The following RIMBP2 variants were observed in gnomAD, a reference collection of about 807,000 sequenced individuals.
RIMBP2 encodes RIMS binding protein 2.
In RIMBP2, 48 loss-of-function variants were observed where a neutral mutation model predicts 118.6. That is an observed-to-expected ratio of 0.40 (90% confidence interval 0.32 to 0.51). The LOEUF is 0.51. Ranked by LOEUF, RIMBP2 falls within the 20% of genes least tolerant of loss-of-function variation. The pLI is 0.41. For synonymous variants in RIMBP2, 762 were observed against 742.9 expected, an observed-to-expected ratio of 1.03 and a Z score of -0.42; for missense variants, 1,551 against 1,768.3, an observed-to-expected ratio of 0.88 and a Z score of 2.20.
chr12:130,706,020 G>A (rs1329182173), intron 1 of RIMBP2, among the ~76,000 whole-genome samples: 1 of 152,240 alleles, frequency 6.6e-6, no homozygotes, highest in Non-Finnish European at 1.5e-5. Flanking sequence ...AAGCTTCAGA[G>A]GACCCGTTTC....
At chr12:130,509,509 G>T (rs2050690564) in intron 3 of RIMBP2, among the ~76,000 whole-genome samples, 1 of 152,192 alleles carries the variant, frequency 6.6e-6, no homozygotes, top group African/African-American at 2.4e-5. Context: ...GTGTCCTTTT[G>T]CTGTAATAAG....
chr12:130,399,728 G>A lies in RIMBP2; in HGVS notation c.3851C>T (p.Ala1284Val). The A allele has an allele frequency of 6.2e-7, 1 of 1,614,190 alleles. No homozygotes were observed. Among genetic ancestry groups the A allele is most frequent in the Non-Finnish European group, 8.5e-7 (1 of 1,180,020 alleles). ...CGTATCTTGAGAGTAGTGGGATGGAGCATCAGAAAGATAGACTTCTACGTC... is the reference window on the plus strand; with the variant it reads ...CGTATCTTGAGAGTAGTGGGATGGAACATCAGAAAGATAGACTTCTACGTC... ...PDDVEVYLSD[A>V]PSHYSQDTPM... The change falls in exon 22 of 23, where the codon GCT (alanine) becomes GTT (valine). Residue 1284 changes from alanine (A) to valine (V), a missense_variant. Ala to Val is a moderately conservative substitution (Grantham distance 64, BLOSUM62 0). Coordinates refer to ENST00000690449, the MANE Select transcript of RIMBP2 (RefSeq NM_001393629.1).
At chr12:130,428,363 G>A (rs1332141292) in intron 14 of RIMBP2, 26 bp from the exon 15 acceptor site, 4 of 1,589,620 alleles carry the variant, frequency 2.5e-6, no homozygotes. Flanking sequence ...AGGGGCTACT[G>A]AGCGGGTGGC....
chr12:130,530,599 G>C (rs888903316), intron 2 of RIMBP2, among the ~76,000 whole-genome samples: 3 of 152,226 alleles, frequency 2.0e-5, no homozygotes, highest in Non-Finnish European at 4.4e-5. Context: ...CCAGCTGCTA[G>C]TGCCTGAGGG....
chr12:130,608,311 A>G (rs1484771707), intron 2 of RIMBP2, among the ~76,000 whole-genome samples: 2 of 152,244 alleles, frequency 1.3e-5, no homozygotes, highest in African/African-American at 4.8e-5. Context: ...GGCCAACGAC[A>G]CCACCACAGG....
intron 6 of RIMBP2, chr12:130,465,530 T>C (rs1391626592): frequency 6.6e-6 from 1 of 152,190 alleles, no homozygotes; most frequent in African/African-American, 2.4e-5. Context: ...CCTGAGAGGG[T>C]GTTACCAGGC....
chr12:130,565,319 T>C (rs1452634568), intron 2 of RIMBP2, among the ~76,000 whole-genome samples: 1 of 152,116 alleles, frequency 6.6e-6, no homozygotes, highest in East Asian at 1.9e-4. Flanking sequence ...GGATGTAAAA[T>C]GGGAAACAGG....
intron 3 of RIMBP2, among the ~76,000 whole-genome samples, chr12:130,513,123 T>C (rs2051093322): frequency 6.6e-6 from 1 of 152,186 alleles, no homozygotes. Flanking sequence ...CCCTAGGTTG[T>C]AGGAAATTCT....
At position 130,424,334 on chromosome 12, in the gene RIMBP2, G is replaced by A. The variant is rs1205803559; in HGVS notation, c.2937C>T (p.Gly979=). 3.2e-6 allele frequency: 4 copies of A among 1,231,842 alleles called. No homozygotes were observed. Among genetic ancestry groups the A allele is most frequent in the Non-Finnish European group, 4.0e-6 (4 of 987,890 alleles). The allele number at this position is 1,231,842 out of a possible 1,614,324, so 76.3% of individuals were successfully genotyped here. Residue 979 remains glycine, a synonymous_variant, in exon 16 of 23, where the codon GGC becomes GGT. Transcript: ENST00000690449. The surrounding 1 kb of genome is among the most constrained non-coding windows in gnomAD (Gnocchi z 9.8). ...SVEEDFGEQV[G]PGGLLRNDDP... is the part of the protein sequence containing the mutation. Reference sequence around the variant, plus strand: ...CGTCGTTCCTGAGGAGGCCACCAGGGCCCACCTGCTCCCCAAAGTCCTCCT... The same window carrying A: ...CGTCGTTCCTGAGGAGGCCACCAGGACCCACCTGCTCCCCAAAGTCCTCCT...
At chr12:130,677,210 T>C (rs1209532385) in intron 1 of RIMBP2, among the ~76,000 whole-genome samples, 1 of 152,058 alleles carries the variant, frequency 6.6e-6, no homozygotes, top group African/African-American at 2.4e-5. Context: ...GGCAGCCCCC[T>C]ACAAATGGGC....
chr12:130,466,747 A>T (rs1189404509), intron 6 of RIMBP2, among the ~76,000 whole-genome samples: 1 of 152,224 alleles, frequency 6.6e-6, no homozygotes, highest in Admixed American at 6.5e-5. Flanking sequence ...CACCCAGGCA[A>T]TGTAAATTGA....
At chr12:130,526,105 G>C (rs1028213396) in intron 2 of RIMBP2, among the ~76,000 whole-genome samples, 1 of 152,068 alleles carries the variant, frequency 6.6e-6, no homozygotes, top group African/African-American at 2.4e-5. Flanking sequence ...GGGGTGGGGG[G>C]TTCTGGAAAG....
intron 1 of RIMBP2, among the ~76,000 whole-genome samples, chr12:130,674,417 G>A (rs1216514458): frequency 6.6e-6 from 1 of 152,160 alleles, no homozygotes; most frequent in East Asian, 1.9e-4. Flanking sequence ...CAGAGGGGAT[G>A]AGGACGTAGT....
Position 130,576,745 on chromosome 12 carries a change from G to A in RIMBP2, c.-217+51577C>T, listed in dbSNP as rs1212555645. Among the ~76,000 whole-genome samples the A allele has an allele frequency of 6.6e-6, 1 of 152,218 alleles. No homozygotes were observed. On this transcript the variant is annotated intron_variant, in intron 2 of 22. Coordinates refer to ENST00000690449, the MANE Select transcript of RIMBP2 (RefSeq NM_001393629.1). This position sits in a 1 kb window ranked among gnomAD's most constrained non-coding sequence, Gnocchi z 4.2. Reference sequence around the variant, plus strand: ...CCCCGCCGAGCGCCGAGAGGCATATGTGCGCACCACATGCCACAAACACAA... The same window carrying A: ...CCCCGCCGAGCGCCGAGAGGCATATATGCGCACCACATGCCACAAACACAA...
intron 19 of RIMBP2, 140 bp from the exon 20 acceptor site, chr12:130,407,969 A>C: frequency 1.4e-6 from 1 of 711,560 alleles, no homozygotes. Context: ...CTGGGCACTC[A>C]CATCAGCAAA....
In RIMBP2 at chr12:130,470,711, G is replaced by A. The variant is rs148162987; in HGVS notation, c.135C>T (p.Gly45=). Residue 45 remains glycine (G), a synonymous_variant, in exon 6 of 23, where the codon GGC becomes GGT. Transcript: ENST00000690449. ...TCCTTACCTCTAGCAGCCGCACTGC[G>A]CCTTCATGCTCCTTCTTAGCCTCAA... ...AQVEAKKEHE[G]AVRLLESKVR... 15,257 of 1,231,800 alleles carry A rather than the reference G, an allele frequency of 0.012. 120 individuals are homozygous for A. Among genetic ancestry groups the A allele is most frequent in the Non-Finnish European group, 0.014 (13,966 of 987,772 alleles). The allele number at this position is 1,231,800 out of a possible 1,614,324, so 76.3% of individuals were successfully genotyped here.
chr12:130,614,944 C>T (rs909032328), intron 2 of RIMBP2, among the ~76,000 whole-genome samples: 2 of 148,398 alleles, frequency 1.3e-5, no homozygotes, highest in African/African-American at 4.9e-5. Context: ...TTTTTGATAA[C>T]TTGTGTGTCT....
chr12:130,597,894 T>C lies in RIMBP2; in HGVS notation c.-217+30428A>G, dbSNP rs188305069. 1.1e-3 allele frequency among the ~76,000 whole-genome samples: 160 copies of C among 152,290 alleles called. 1 individual carries two copies. The highest frequency in any genetic ancestry group is 1.2e-3 in the Non-Finnish European group (79 of 68,026). ...ACTGGAGATTTAAGCCAATGCAATA[T>C]GACAAGAATGAGAAATAGACAGCAT... On this transcript the variant is annotated intron_variant, in intron 2 of 22. Coordinates refer to ENST00000690449, the MANE Select transcript of RIMBP2 (RefSeq NM_001393629.1).
chr12:130,588,161 C>CA (rs1265284092), intron 2 of RIMBP2, among the ~76,000 whole-genome samples: 1 of 152,108 alleles, frequency 6.6e-6, no homozygotes, highest in Non-Finnish European at 1.5e-5. Context: ...AAACCCAGCC[C>CA]AAGTCCTGCC....
Sources: allele counts gnomAD v4.1 joint callset (sites outside exome capture counted in the v4.1 genomes callset), GRCh38; gene constraint gnomAD v4.1.1; non-coding constraint Gnocchi (gnomAD v3.1); transcripts MANE v1.5; gene names NCBI Gene and HGNC (gene_info 2026-07-23, HGNC 2026-07-21).